Variants in SDK2 observed in about 807,000 individuals in gnomAD.
The protein encoded by SDK2 is protein sidekick-2.
A neutral mutation model predicts 253.9 loss-of-function variants in SDK2; 105 were observed. The observed-to-expected ratio is 0.41, with a 90% CI of 0.35 to 0.49. The LOEUF is 0.49. Ranked by LOEUF, SDK2 falls within the 20% of genes least tolerant of loss-of-function variation. The pLI, the probability that SDK2 is intolerant of heterozygous loss-of-function variation, is 0.06. For synonymous variants in SDK2, 1,249 were observed against 1,234.9 expected (o/e 1.01, Z -0.24); for missense variants, 2,608 against 3,003.0 (o/e 0.87, Z 3.07).
chr17:73,636,131 A>T (rs950246050), intron 1 of SDK2, among the ~76,000 whole-genome samples: 2 of 152,294 alleles, frequency 1.3e-5, no homozygotes, highest in Admixed American at 1.3e-4. Context: ...AGCCAAAGGC[A>T]GCCTGGAGCA....
At position 73,435,672 on chromosome 17, in the gene SDK2, A is replaced by G; in HGVS notation, c.1001-28T>C. The stretch of plus-strand genomic sequence containing the variant: ...GTGGGCAAGACGTGGGCCCACCGTC[A>G]ACCTGCCTCCTGCCTCCTCTCCGCC... On this transcript the variant is annotated intron_variant, in intron 8 of 44. Transcript: ENST00000392650. The surrounding 1 kb of genome is among the most constrained non-coding windows in gnomAD (Gnocchi z 5.7). 1 of 1,521,048 alleles carries G rather than the reference A, an allele frequency of 6.6e-7. No homozygotes were observed. Among genetic ancestry groups the G allele is most frequent in the South Asian group, 1.2e-5 (1 of 81,276 alleles). 94.2% of individuals were successfully genotyped at this position (1,521,048 alleles called of 1,614,324 possible). A position where few individuals can be genotyped will look rare whatever the true frequency, so the allele number is the denominator to read the frequency against.
chr17:73,611,246 G>C (rs888109593), intron 1 of SDK2, among the ~76,000 whole-genome samples: 3 of 152,158 alleles, frequency 2.0e-5, no homozygotes, highest in Non-Finnish European at 4.4e-5. Context: ...TGCCCCCACT[G>C]CTGATGGACA....
intron 37 of SDK2, among the ~76,000 whole-genome samples, chr17:73,367,357 C>T (rs975926900): frequency 3.9e-5 from 6 of 152,104 alleles, no homozygotes; most frequent in East Asian, 1.9e-4. Context: ...CCTGAGCTCT[C>T]GCCCCATTTT....
intron 1 of SDK2, among the ~76,000 whole-genome samples, chr17:73,605,574 T>C (rs911968440): frequency 3.9e-5 from 6 of 152,072 alleles, no homozygotes; most frequent in Non-Finnish European, 7.4e-5. Flanking sequence ...GTGTCAGATT[T>C]TCCTGCTCTC....
At position 73,447,204 on chromosome 17, in the gene SDK2, GTA is replaced by G. The variant is rs2063458779; in HGVS notation, c.613+409_613+410del. Among the ~76,000 whole-genome samples, 2 of 152,152 alleles carry G rather than the reference GTA, an allele frequency of 1.3e-5. No individual in the cohort carries two copies. The highest frequency in any genetic ancestry group is 2.4e-5 in the African/African-American group (1 of 41,428). ...TGTGACAGCCAAGTAGAGACAGTTAGTATATTTCTGTAAAAACAAGCTTCAGC... is the reference window on the plus strand; with the variant it reads ...TGTGACAGCCAAGTAGAGACAGTTAGTATTTCTGTAAAAACAAGCTTCAGC... On this transcript the variant is annotated intron_variant, in intron 5 of 44. Transcript: ENST00000392650. This position sits in a 1 kb window ranked among gnomAD's most constrained non-coding sequence, Gnocchi z 4.0.
Position 73,419,223 on chromosome 17 carries a change from T to C in SDK2, c.2129A>G (p.Gln710Arg). ...SGRTNQSIMI[Q>R]WQPPPESHQN... ...GTGGCTCTCAGGAGGCGGCTGCCAC[T>C]GGATCATGATGGACTGGTTGGTTCG... Residue 710 changes from glutamine (Q) to arginine (R), a missense_variant, in exon 16 of 45, where the codon CAG (glutamine) becomes CGG (arginine). Physicochemically the swap from Gln to Arg is conservative, Grantham distance 43. Transcript: ENST00000392650. 6.2e-7 allele frequency: 1 copy of C among 1,612,834 alleles called. No homozygotes were observed. The highest frequency in any genetic ancestry group is 1.1e-5 in the South Asian group (1 of 90,674).
intron 1 of SDK2, chr17:73,519,555 A>G (rs1253234719): frequency 7.1e-6 from 1 of 140,224 alleles, no homozygotes; most frequent in Non-Finnish European, 1.6e-5. Context: ...CCTACTCCAC[A>G]CTGAGCAGCG....
chr17:73,509,273 T>C (rs193258453), intron 1 of SDK2, among the ~76,000 whole-genome samples: 1 of 152,068 alleles, frequency 6.6e-6, no homozygotes, highest in Non-Finnish European at 1.5e-5. Flanking sequence ...TGGAAGGAAA[T>C]AGTGATGGTG....
chr17:73,390,572 G>C (rs1196109817), intron 28 of SDK2, 91 bp from the exon 29 acceptor site: 1 of 1,321,644 alleles, frequency 7.6e-7, no homozygotes, highest in Non-Finnish European at 1.0e-6. Context: ...AGCCACAGCT[G>C]TGTCTGTACA....
At chr17:73,608,118 G>A (rs1015896727) in intron 1 of SDK2, among the ~76,000 whole-genome samples, 8 of 152,018 alleles carry the variant, frequency 5.3e-5, no homozygotes, top group Non-Finnish European at 1.0e-4. Context: ...CCCACATTAC[G>A]TTTCACCGTC....
intron 2 of SDK2, among the ~76,000 whole-genome samples, chr17:73,503,030 G>A (rs1463801359): frequency 6.6e-6 from 1 of 152,200 alleles, no homozygotes; most frequent in African/African-American, 2.4e-5. Flanking sequence ...TAATCATGAG[G>A]ATATAACTGG....
At chr17:73,633,039 T>G (rs2046288745) in intron 1 of SDK2, among the ~76,000 whole-genome samples, 1 of 152,048 alleles carries the variant, frequency 6.6e-6, no homozygotes, top group Non-Finnish European at 1.5e-5. Flanking sequence ...CCACAGCACT[T>G]TGGGAGGCAG....
chr17:73,641,692 C>G (rs1324890361), intron 1 of SDK2, among the ~76,000 whole-genome samples: 3 of 151,698 alleles, frequency 2.0e-5, no homozygotes, highest in African/African-American at 7.3e-5. Flanking sequence ...GTCCCTCGTT[C>G]TGTGCCATGC....
At position 73,368,267 on chromosome 17, in the gene SDK2, G is replaced by T. The variant is rs1016533350; in HGVS notation, c.5167+140C>A. ...TCCCACTTGGGAGGGTGTCTCTGGG[G>T]ACCTGGGTACCACGACCAGATCCTC... is the stretch of plus-strand genomic sequence containing the variant. On this transcript the variant is annotated intron_variant, in intron 37 of 44. Coordinates refer to ENST00000392650, the MANE Select transcript of SDK2 (RefSeq NM_001144952.2). 20 of 732,876 alleles carry T rather than the reference G, an allele frequency of 2.7e-5. 1 individual carries two copies. The African/African-American group carries it at 3.5e-4, about 13-fold the overall frequency. The allele number at this position is 732,876 out of a possible 1,614,324, so 45.4% of individuals were successfully genotyped here. A position where few individuals can be genotyped will look rare whatever the true frequency, so the allele number is the denominator to read the frequency against.
At chr17:73,397,622 C>T (rs1265952479) in intron 24 of SDK2, among the ~76,000 whole-genome samples, 3 of 152,166 alleles carry the variant, frequency 2.0e-5, no homozygotes, top group Admixed American at 6.5e-5. Flanking sequence ...ACACACAGCC[C>T]GGATCTGGGG....
chr17:73,558,485 G>T (rs920184196), intron 1 of SDK2, among the ~76,000 whole-genome samples: 4 of 151,370 alleles, frequency 2.6e-5, no homozygotes, highest in Non-Finnish European at 5.9e-5. Flanking sequence ...GGAAGGGAGG[G>T]AGGAACAGAA....
intron 2 of SDK2, among the ~76,000 whole-genome samples, chr17:73,493,955 AC>A (rs1425237858): frequency 1.3e-5 from 2 of 152,208 alleles, no homozygotes; most frequent in African/African-American, 4.8e-5. Flanking sequence ...CTGCAATCAA[AC>A]AAGGACACCG....
chr17:73,540,996 C>T (rs1383705370), intron 1 of SDK2, among the ~76,000 whole-genome samples: 2 of 152,210 alleles, frequency 1.3e-5, no homozygotes, highest in Admixed American at 6.5e-5. Context: ...GCCTCCCCTA[C>T]AGCACTTTCC....
Position 73,355,174 on chromosome 17 carries a change from ATTTTTTT to A in SDK2, c.5594-2544_5594-2538del, listed in dbSNP as rs770032791. 5.7e-4 allele frequency among the ~76,000 whole-genome samples: 27 copies of A among 47,236 alleles called. No individual in the cohort carries two copies. The East Asian group carries it at 5.9e-3, about 10-fold the overall frequency. 31.0% of individuals were successfully genotyped at this position (47,236 alleles called of 152,430 possible). A position where few individuals can be genotyped will look rare whatever the true frequency, so the allele number is the denominator to read the frequency against. On this transcript the variant is annotated intron_variant, in intron 40 of 44. Transcript: ENST00000392650. ...CCTACACCTCCATATATATATATATATTTTTTTTTTTTTTTTTTTTTAGACGGAGTCT... is the reference window on the plus strand; with the variant it reads ...CCTACACCTCCATATATATATATATATTTTTTTTTTTTTTAGACGGAGTCT...
Sources: gnomAD v4.1 joint callset for allele counts (sites outside exome capture counted in the v4.1 genomes callset) on GRCh38, gnomAD v4.1.1 for gene constraint, Gnocchi (gnomAD v3.1) non-coding constraint, MANE v1.5 for transcripts, NCBI Gene and HGNC (gene_info 2026-07-23, HGNC 2026-07-21) for gene names.